SNX9: variants seen among roughly 807,000 people sequenced by gnomAD.
SNX9 encodes the protein sorting nexin-9.
A neutral mutation model predicts 89.4 loss-of-function variants in SNX9; 44 were observed. That is an observed-to-expected ratio of 0.49 (90% CI 0.39 to 0.63). SNX9 has a LOEUF of 0.63. Ranked by LOEUF, SNX9 falls within the 30% of genes least tolerant of loss-of-function variation. The pLI is 0.00. For synonymous variants in SNX9, 236 were observed against 247.8 expected, an observed-to-expected ratio of 0.95 and a Z score of 0.45; for missense variants, 578 against 736.1, an observed-to-expected ratio of 0.79 and a Z score of 2.49.
chr6:157,908,598 G>A (rs1008676424), intron 7 of SNX9, among the ~76,000 whole-genome samples: 2 of 152,174 alleles, frequency 1.3e-5, no homozygotes, highest in African/African-American at 2.4e-5. Context: ...CCAGAAGCCT[G>A]TACATGAGCT....
At chr6:157,893,536 T>C (rs1332526425) in intron 4 of SNX9, among the ~76,000 whole-genome samples, 2 of 152,012 alleles carry the variant, frequency 1.3e-5, no homozygotes, top group South Asian at 2.1e-4. Flanking sequence ...TCCTACAACA[T>C]TAGGGGCTAT....
chr6:157,902,968 A>C (rs879549275), intron 6 of SNX9, among the ~76,000 whole-genome samples: 1 of 145,576 alleles, frequency 6.9e-6, no homozygotes, highest in Non-Finnish European at 1.5e-5. Flanking sequence ...ACACCTAGCC[A>C]AAAAAAAAAA....
At chr6:157,852,994 T>G (rs1025570660) in intron 1 of SNX9, among the ~76,000 whole-genome samples, 1 of 152,084 alleles carries the variant, frequency 6.6e-6, no homozygotes, top group Non-Finnish European at 1.5e-5. Context: ...TGGTGAGTTT[T>G]TTTGTTTGTT....
At chr6:157,927,333 A>T (rs569291865) in intron 11 of SNX9, 119 bp downstream of exon 11, 17 of 657,422 alleles carry the variant, frequency 2.6e-5, no homozygotes, top group Non-Finnish European at 4.3e-5. Flanking sequence ...TTATGAAATG[A>T]GTGGGATTTG....
chr6:157,884,458 T>G (rs1393069908), intron 4 of SNX9, among the ~76,000 whole-genome samples: 3 of 152,204 alleles, frequency 2.0e-5, no homozygotes, highest in Non-Finnish European at 2.9e-5. Flanking sequence ...TCACAAAGGT[T>G]CAGTATTAGA....
Position 157,944,477 on chromosome 6 carries a change from A to G in SNX9, c.*1639A>G, listed in dbSNP as rs1234324597. The G allele has an allele frequency of 6.6e-6, 1 of 152,666 alleles. No individual in the cohort carries two copies. The highest frequency in any genetic ancestry group is 1.5e-5 in the Non-Finnish European group (1 of 68,048). 9.5% of individuals were successfully genotyped at this position (152,666 alleles called of 1,614,324 possible). Reference sequence around the variant, plus strand: ...AATGTAAGAGCATGTAGAAGCCAACATATAAATAAATTGTTTAAAAAAACT... The same window carrying G: ...AATGTAAGAGCATGTAGAAGCCAACGTATAAATAAATTGTTTAAAAAAACT... On this transcript the variant is annotated 3_prime_UTR_variant, in exon 18 of 18. Transcript: ENST00000392185.
At chr6:157,927,323 TTATGA>T in intron 11 of SNX9, 109 bp downstream of exon 11, 1 of 686,458 alleles carries the variant, frequency 1.5e-6, no homozygotes, top group East Asian at 2.6e-5. Flanking sequence ...GACTAGACTT[TTATGA>T]AATGAGTGGG....
At chr6:157,916,183 C>T (rs1053029275) in intron 9 of SNX9, among the ~76,000 whole-genome samples, 22 of 151,928 alleles carry the variant, frequency 1.4e-4, no homozygotes, top group East Asian at 5.8e-4. Context: ...TACAGGCACC[C>T]GCCACCACGC....
chr6:157,876,513 T>G (rs1283309876), intron 4 of SNX9, among the ~76,000 whole-genome samples: 1 of 152,250 alleles, frequency 6.6e-6, no homozygotes, highest in Non-Finnish European at 1.5e-5. Context: ...ATATACTAAC[T>G]GCAGGTTTTA....
intron 2 of SNX9, among the ~76,000 whole-genome samples, chr6:157,871,333 A>G (rs1004967339): frequency 2.0e-5 from 3 of 152,162 alleles, no homozygotes; most frequent in African/African-American, 7.2e-5. Flanking sequence ...GTGAGCCAAG[A>G]TGGTGCCACT....
intron 4 of SNX9, among the ~76,000 whole-genome samples, chr6:157,880,769 T>A (rs1454876120): frequency 6.6e-6 from 1 of 152,220 alleles, no homozygotes; most frequent in Non-Finnish European, 1.5e-5. Flanking sequence ...GCAACCTAGC[T>A]TGGTGTCAAG....
chr6:157,931,152 A>G (rs954366537), intron 12 of SNX9, among the ~76,000 whole-genome samples: 1 of 152,220 alleles, frequency 6.6e-6, no homozygotes, highest in Admixed American at 6.5e-5. Flanking sequence ...GTTCTTTAAA[A>G]TTCCTAATGT....
chr6:157,848,373 T>C (rs567491641), intron 1 of SNX9, among the ~76,000 whole-genome samples: 4 of 152,172 alleles, frequency 2.6e-5, no homozygotes, highest in African/African-American at 9.6e-5. Flanking sequence ...GGAAAATTCT[T>C]CCCCCAAACC....
At position 157,873,179 on chromosome 6, in the gene SNX9, A is replaced by G. The variant is rs769823228; in HGVS notation, c.174+3A>G. 1 of 1,580,928 alleles carries G rather than the reference A, an allele frequency of 6.3e-7. No homozygotes were observed. Among genetic ancestry groups the G allele is most frequent in the Non-Finnish European group, 8.6e-7 (1 of 1,162,826 alleles). Reference sequence around the variant, plus strand: ...TGGTTCCCACAGACTACGTTGAAGTAAGAGCTTCCTGTCATTCATTCATTA... The same window carrying G: ...TGGTTCCCACAGACTACGTTGAAGTGAGAGCTTCCTGTCATTCATTCATTA... On this transcript the variant is annotated splice_donor_region_variant and intron_variant, in intron 3 of 17. Transcript: ENST00000392185.
intron 10 of SNX9, among the ~76,000 whole-genome samples, chr6:157,926,689 G>T (rs978438781): frequency 2.0e-5 from 3 of 149,924 alleles, no homozygotes; most frequent in Non-Finnish European, 4.4e-5. Context: ...GCTGAGGTGG[G>T]AAGATTGCTT....
At chr6:157,910,310 A>G (rs1031450828) in intron 9 of SNX9, among the ~76,000 whole-genome samples, 1 of 152,250 alleles carries the variant, frequency 6.6e-6, no homozygotes, top group Non-Finnish European at 1.5e-5. Context: ...TTTTCTACAA[A>G]AGAAATGTGT....
chr6:157,842,874 A>G (rs1286236257), intron 1 of SNX9, among the ~76,000 whole-genome samples: 5 of 152,156 alleles, frequency 3.3e-5, no homozygotes, highest in Admixed American at 3.3e-4. Context: ...AATTTCTTGT[A>G]GTTATTTTGT....
In SNX9 at chr6:157,937,534, C is replaced by G. The variant is rs780185807; in HGVS notation, c.1533+11C>G. 7.5e-6 allele frequency: 12 copies of G among 1,602,468 alleles called. No individual in the cohort carries two copies. The East Asian group carries it at 2.7e-4, about 36-fold the overall frequency. ...ATTGGCACTCACAAGGTAACCTGAT[C>G]GTAGACATTTATAGAAGACAACAGC... On this transcript the variant is annotated intron_variant, in intron 15 of 17. Coordinates refer to ENST00000392185, the MANE Select transcript of SNX9 (RefSeq NM_016224.5).
At chr6:157,929,969 C>T (rs1368966671) in intron 12 of SNX9, among the ~76,000 whole-genome samples, 1 of 152,192 alleles carries the variant, frequency 6.6e-6, no homozygotes, top group Non-Finnish European at 1.5e-5. Flanking sequence ...TTGGAACACA[C>T]CCATGCCCAT....
Sources: allele counts gnomAD v4.1 joint callset (sites outside exome capture counted in the v4.1 genomes callset), GRCh38; gene constraint gnomAD v4.1.1; transcripts MANE v1.5; gene names NCBI Gene and HGNC (gene_info 2026-07-23, HGNC 2026-07-21).